The following PSMG2 variants were observed in gnomAD, a reference collection of about 807,000 sequenced individuals.
The protein encoded by PSMG2 is CD40 ligand-activated specific transcript 3.
A neutral mutation model predicts 31.5 loss-of-function variants in PSMG2; 21 were observed. The observed-to-expected ratio is 0.67, with a 90% CI of 0.47 to 0.96. PSMG2 has a LOEUF of 0.96. Among genes scored for constraint, PSMG2 ranks in the 40% least tolerant of loss-of-function variants. PSMG2 has a pLI of 0.00. For missense variants in PSMG2, 318 were observed against 321.2 expected (o/e 0.99, Z 0.08); for synonymous variants, 120 against 110.4 (o/e 1.09, Z -0.54).
chr18:12,689,859 C>G (rs11663668), intron 1 of PSMG2, among the ~76,000 whole-genome samples: 1 of 152,046 alleles, frequency 6.6e-6, no homozygotes, highest in Non-Finnish European at 1.5e-5. Context: ...GCGTGATCTT[C>G]GCTCACTGCA....
chr18:12,674,093 G>T (rs756744419), intron 1 of PSMG2, among the ~76,000 whole-genome samples: 19 of 151,862 alleles, frequency 1.3e-4, no homozygotes, highest in Non-Finnish European at 1.9e-4. Context: ...TGGCAAGGAG[G>T]GTCAGTCATT....
chr18:12,682,302 G>A (rs1031429803), intron 1 of PSMG2, among the ~76,000 whole-genome samples: 2 of 151,850 alleles, frequency 1.3e-5, no homozygotes, highest in South Asian at 2.1e-4. Flanking sequence ...TGATTCCCCC[G>A]CCTCAGCCTC....
intron 5 of PSMG2, among the ~76,000 whole-genome samples, chr18:12,721,232 C>G (rs1185483720): frequency 6.6e-6 from 1 of 152,088 alleles, no homozygotes; most frequent in Non-Finnish European, 1.5e-5. Flanking sequence ...AGAGCTCTTG[C>G]ATTTAGGGGA....
At chr18:12,722,453 C>A (rs1028095703) in intron 5 of PSMG2, among the ~76,000 whole-genome samples, 3 of 152,090 alleles carry the variant, frequency 2.0e-5, no homozygotes, top group Non-Finnish European at 4.4e-5. Context: ...GCAGAGAATC[C>A]GAGGGCAGGG....
upstream of PSMG2, chr18:12,700,402 G>A (rs920034016): frequency 6.6e-6 from 1 of 152,572 alleles, no homozygotes; most frequent in Non-Finnish European, 1.5e-5. Flanking sequence ...ATATTACCCA[G>A]GTATTGAGGT....
At chr18:12,692,852 T>A (rs2039817143) in intron 1 of PSMG2, among the ~76,000 whole-genome samples, 1 of 152,228 alleles carries the variant, frequency 6.6e-6, no homozygotes, top group African/African-American at 2.4e-5. Context: ...AGACAGGGTC[T>A]TGCTCTGTCA....
intron 1 of PSMG2, among the ~76,000 whole-genome samples, chr18:12,663,769 G>T (rs1043924086): frequency 6.6e-6 from 1 of 151,974 alleles, no homozygotes; most frequent in Non-Finnish European, 1.5e-5. Flanking sequence ...CTGATTGATT[G>T]TGTGTATGTG....
At position 12,675,331 on chromosome 18, in the gene PSMG2, G is replaced by A. The variant is rs532329935; in HGVS notation, c.-37+16558G>A. On this transcript the variant is annotated intron_variant, in intron 1 of 6. Transcript: ENST00000585331. ...GAATGGTATGAATCCGGGAGGCAGAGCTTGCAGTGAGCCGAGATCGTGCCA... is the reference window on the plus strand; with the variant it reads ...GAATGGTATGAATCCGGGAGGCAGAACTTGCAGTGAGCCGAGATCGTGCCA... Among the ~76,000 whole-genome samples the A allele has an allele frequency of 6.6e-5, 10 of 152,196 alleles. No individual in the cohort carries two copies. The South Asian group carries it at 2.1e-3, about 32-fold the overall frequency.
intron 1 of PSMG2, among the ~76,000 whole-genome samples, chr18:12,666,438 T>A (rs796957717): frequency 2.1e-3 from 232 of 108,272 alleles, no homozygotes; most frequent in Middle Eastern, 8.4e-3. Flanking sequence ...ATTTTATGGT[T>A]TTTTTTTTTT....
chr18:12,673,439 G>A (rs768282968), intron 1 of PSMG2: 8 of 1,596,392 alleles, frequency 5.0e-6, no homozygotes, highest in East Asian at 2.3e-5. Context: ...GTAAATACTC[G>A]GACACGAACT....
chr18:12,718,131 C>G (rs1222254443), intron 3 of PSMG2, among the ~76,000 whole-genome samples: 1 of 151,684 alleles, frequency 6.6e-6, no homozygotes, highest in Non-Finnish European at 1.5e-5. Flanking sequence ...GTCTCAGCCT[C>G]CTGAGTAGCT....
intron 1 of PSMG2, among the ~76,000 whole-genome samples, chr18:12,676,987 G>C (rs1205284415): frequency 6.6e-6 from 1 of 152,152 alleles, no homozygotes; most frequent in Non-Finnish European, 1.5e-5. Context: ...CTAGTCCTTT[G>C]TTGGTGATAT....
At chr18:12,700,098 T>A (rs1178078010), upstream of PSMG2, 3 of 384,138 alleles carry the variant, frequency 7.8e-6, no homozygotes, top group African/African-American at 6.3e-5. Flanking sequence ...AACTGATCAC[T>A]CCTAAAATCA....
intron 1 of PSMG2, chr18:12,679,273 G>C (rs1161757669): frequency 1.3e-5 from 2 of 152,338 alleles, no homozygotes. Context: ...ACTCCAACCA[G>C]CCTGTGCACT....
rs34631690 is a variant in PSMG2 at position 12,711,750 on chromosome 18, C to CTTTT, written c.230-934_230-931dup. Reference sequence around the variant, plus strand: ...ATCCCTGACTCAGGAGCTTCTCATTCTTTTTTTTTTTTTTTTTTTTTGAGA... The same window carrying CTTTT: ...ATCCCTGACTCAGGAGCTTCTCATTCTTTTTTTTTTTTTTTTTTTTTTTTTGAGA... On this transcript the variant is annotated intron_variant, in intron 2 of 6. Coordinates refer to ENST00000317615, the MANE Select transcript of PSMG2 (RefSeq NM_020232.5). 3.0e-3 allele frequency among the ~76,000 whole-genome samples: 292 copies of CTTTT among 97,500 alleles called. 10 individuals carry two copies. The highest frequency in any genetic ancestry group is 5.1e-3 in the African/African-American group (127 of 24,802). The allele number at this position is 97,500 out of a possible 152,430, so 64.0% of individuals were successfully genotyped here. A position where few individuals can be genotyped will look rare whatever the true frequency, so the allele number is the denominator to read the frequency against.
chr18:12,699,074 T>TA (rs757638844), upstream of PSMG2: 2 of 1,614,128 alleles, frequency 1.2e-6, no homozygotes, highest in Non-Finnish European at 1.7e-6. Context: ...TTGGTTTCGA[T>TA]AATGTAAACA....
chr18:12,672,976 G>A (rs2038985384), intron 1 of PSMG2: 1 of 987,362 alleles, frequency 1.0e-6, no homozygotes, highest in Non-Finnish European at 1.2e-6. Context: ...CCATTAACCT[G>A]TGAAAAGTAA....
chr18:12,675,171 C>T (rs1040943757), intron 1 of PSMG2, among the ~76,000 whole-genome samples: 3 of 151,980 alleles, frequency 2.0e-5, no homozygotes, highest in Non-Finnish European at 4.4e-5. Context: ...CTGAGGTGGG[C>T]GGATCATGAG....
intron 6 of PSMG2, 59 bp downstream of exon 6, chr18:12,724,678 T>C: frequency 6.8e-7 from 1 of 1,468,168 alleles, no homozygotes; most frequent in Non-Finnish European, 9.1e-7. Context: ...TAACTCGCAC[T>C]TTATATACTA....
Sources: allele counts gnomAD v4.1 joint callset (sites outside exome capture counted in the v4.1 genomes callset), GRCh38; gene constraint gnomAD v4.1.1; transcripts MANE v1.5; gene names NCBI Gene and HGNC (gene_info 2026-07-23, HGNC 2026-07-21).